Variants in PDILT observed in about 807,000 individuals in gnomAD.
PDILT encodes the protein protein disulfide-isomerase-like protein of the testis.
A neutral mutation model predicts 53.7 loss-of-function variants in PDILT; 43 were observed. The ratio of observed to expected loss-of-function variants is 0.80; its 90% CI spans 0.63 to 1.03. The LOEUF (loss-of-function observed/expected upper bound fraction) is 1.03, where lower values mean the gene tolerates loss of function less well. PDILT is among the 50% of genes least tolerant of loss of function. PDILT has a pLI of 0.00. For missense variants in PDILT, 727 were observed against 712.3 expected, an observed-to-expected ratio of 1.02 and a Z score of -0.24; for synonymous variants, 282 against 274.2, an observed-to-expected ratio of 1.03 and a Z score of -0.28.
intron 2 of PDILT, among the ~76,000 whole-genome samples, chr16:20,385,337 C>T (rs774139530): frequency 8.5e-5 from 13 of 152,266 alleles, no homozygotes; most frequent in South Asian, 4.1e-4. Flanking sequence ...GACTTACTTG[C>T]GCAAAGCCCT....
intron 3 of PDILT, among the ~76,000 whole-genome samples, chr16:20,378,568 C>T (rs1179624822): frequency 1.3e-5 from 2 of 152,102 alleles, no homozygotes; most frequent in African/African-American, 4.8e-5. Flanking sequence ...GGCTTTAAGC[C>T]CCGCGTGCAT....
intron 3 of PDILT, among the ~76,000 whole-genome samples, chr16:20,383,484 T>A (rs1230569335): frequency 2.1e-5 from 1 of 47,578 alleles, no homozygotes; most frequent in Non-Finnish European, 4.1e-5. Flanking sequence ...GCCACCACCC[T>A]CCCACAAGCC....
At chr16:20,365,266 G>T (rs8053146) in intron 9 of PDILT, among the ~76,000 whole-genome samples, 154 bp downstream of exon 9, 86,361 of 151,952 alleles carry the variant, frequency 0.57, 25,322 homozygotes, top group Middle Eastern at 0.62. Context: ...GTTCCTGATA[G>T]CATCTTGAGT....
chr16:20,395,670 G>T (rs1361113039), intron 2 of PDILT, among the ~76,000 whole-genome samples: 1 of 152,136 alleles, frequency 6.6e-6, no homozygotes, highest in African/African-American at 2.4e-5. Context: ...TTAGAGTGGG[G>T]CCTAATAGGA....
rs113453043 is a variant in PDILT, at chr16:20,361,205, T to G, written c.1417-548A>C. Reference sequence around the variant, plus strand: ...TCCCTTTCCTCTTTTTTTTTTTTTTTATATGGAATCTTGCTCTGTCACCAT... The same window carrying G: ...TCCCTTTCCTCTTTTTTTTTTTTTTGATATGGAATCTTGCTCTGTCACCAT... On this transcript the variant is annotated intron_variant, in intron 10 of 11. Transcript: ENST00000302451. Among the ~76,000 whole-genome samples, 1,081 of 134,548 alleles carry G rather than the reference T, an allele frequency of 8.0e-3. 22 individuals are homozygous for G. The highest frequency in any genetic ancestry group is 0.025 in the African/African-American group (886 of 35,320). The allele number at this position is 134,548 out of a possible 152,430, so 88.3% of individuals were successfully genotyped here.
chr16:20,400,056 A>C (rs1966714445), intron 1 of PDILT, among the ~76,000 whole-genome samples: 1 of 83,562 alleles, frequency 1.2e-5, no homozygotes, highest in African/African-American at 5.8e-5. Context: ...CTATCTATCT[A>C]TATATATATA....
chr16:20,404,395 A>T, intron 1 of PDILT, 101 bp downstream of exon 1: 1 of 152,240 alleles, frequency 6.6e-6, no homozygotes, highest in Non-Finnish European at 1.5e-5. Context: ...TCTATACACC[A>T]AAACTGACAC....
intron 2 of PDILT, among the ~76,000 whole-genome samples, chr16:20,397,920 T>A (rs945759877): frequency 2.0e-5 from 3 of 152,040 alleles, no homozygotes; most frequent in Non-Finnish European, 4.4e-5. Context: ...AACACAGGAT[T>A]CCAAATCCAG....
chr16:20,388,165 A>G (rs1966564342), intron 2 of PDILT, among the ~76,000 whole-genome samples: 1 of 152,192 alleles, frequency 6.6e-6, no homozygotes. Flanking sequence ...GATGATGATG[A>G]TGTCACTATC....
chr16:20,362,386 G>T lies in PDILT; in HGVS notation c.1416+18C>A. On this transcript the variant is annotated intron_variant, in intron 10 of 11. Transcript: ENST00000302451. ...CATAACATTGTTTTCAGCCATGTGC[G>T]TCCCAAGAGCCCCTCACTTGTTGAG... 1 of 1,612,254 alleles carries T rather than the reference G, an allele frequency of 6.2e-7. No homozygotes were observed. The highest frequency in any genetic ancestry group is 8.5e-7 in the Non-Finnish European group (1 of 1,178,894).
chr16:20,389,632 A>C (rs1182691933), intron 2 of PDILT, among the ~76,000 whole-genome samples: 1 of 152,162 alleles, frequency 6.6e-6, no homozygotes, highest in Non-Finnish European at 1.5e-5. Context: ...ACTCAGGGCC[A>C]TGTTAGAATA....
intron 2 of PDILT, among the ~76,000 whole-genome samples, chr16:20,391,999 A>G (rs72776686): frequency 6.6e-6 from 1 of 151,970 alleles, no homozygotes; most frequent in Non-Finnish European, 1.5e-5. Flanking sequence ...TGCATTTTAG[A>G]GGAAGTCTCT....
At position 20,365,545 on chromosome 16, in the gene PDILT, G is replaced by A; in HGVS notation, c.1117-5C>T. 1 of 1,614,116 alleles carries A rather than the reference G, an allele frequency of 6.2e-7. No individual in the cohort carries two copies. Among genetic ancestry groups the A allele is most frequent in the Non-Finnish European group, 8.5e-7 (1 of 1,179,996 alleles). On this transcript the variant is annotated splice_region_variant and splice_polypyrimidine_tract_variant and intron_variant, in intron 8 of 11. Transcript: ENST00000302451. ...CTCTTCACTGGATTGATGTTTCTAG[G>A]AAGCACATTTGAGAGGCCTAAGAGT...
intron 8 of PDILT, among the ~76,000 whole-genome samples, chr16:20,365,821 G>T (rs1596579047): frequency 7.4e-6 from 1 of 135,064 alleles, no homozygotes; most frequent in African/African-American, 3.4e-5. Context: ...GGTGGCTCAC[G>T]CCTATAATCA....
intron 2 of PDILT, among the ~76,000 whole-genome samples, chr16:20,393,223 G>T (rs376790637): frequency 1.3e-5 from 2 of 152,206 alleles, no homozygotes; most frequent in Non-Finnish European, 2.9e-5. Context: ...GTGGATGAGG[G>T]ATGTGCAGAA....
chr16:20,372,992 G>C lies in PDILT; in HGVS notation c.792+20C>G. The C allele has an allele frequency of 6.2e-7, 1 of 1,613,602 alleles. No individual in the cohort carries two copies. Among genetic ancestry groups the C allele is most frequent in the South Asian group, 1.1e-5 (1 of 91,038 alleles). On this transcript the variant is annotated intron_variant, in intron 6 of 11. Transcript: ENST00000302451. The stretch of plus-strand genomic sequence containing the variant: ...AGTGGCCCCAGCTCCCCTTCCTCCG[G>C]GGACCATTTACTCACTGACCTCAGT...
Position 20,376,211 on chromosome 16 carries a change from G to A in PDILT, c.410-10C>T. 6.2e-7 allele frequency: 1 copy of A among 1,613,926 alleles called. No individual in the cohort carries two copies. The highest frequency in any genetic ancestry group is 2.2e-5 in the East Asian group (1 of 44,874). On this transcript the variant is annotated splice_polypyrimidine_tract_variant and intron_variant, in intron 3 of 11. Transcript: ENST00000302451. Reference sequence around the variant, plus strand: ...GCAGATTCAACCACTCCTGGAGAAAGACACAGTCAAATAGATACCAGAGAA... The same window carrying A: ...GCAGATTCAACCACTCCTGGAGAAAAACACAGTCAAATAGATACCAGAGAA...
intron 5 of PDILT, among the ~76,000 whole-genome samples, chr16:20,373,953 A>G (rs1256398855): frequency 1.3e-5 from 2 of 151,666 alleles, no homozygotes; most frequent in Non-Finnish European, 2.9e-5. Flanking sequence ...CTTTTTATTT[A>G]TTGTATTTCT....
chr16:20,359,544 T>A lies in PDILT; in HGVS notation c.1530A>T (p.Glu510Asp). The A allele has an allele frequency of 6.2e-7, 1 of 1,613,974 alleles. No individual in the cohort carries two copies. The highest frequency in any genetic ancestry group is 8.5e-7 in the Non-Finnish European group (1 of 1,179,948). The change falls in exon 12 of 12, where the codon GAA becomes GAT. Residue 510 changes from glutamate (E) to aspartate (D), a missense_variant. Physicochemically the swap from Glu to Asp is conservative, Grantham distance 45. Coordinates refer to ENST00000302451, the MANE Select transcript of PDILT (RefSeq NM_174924.2). ...CAGCTAGCACTTCCTCTTCTATCACTTCATTTTGCTCAACAGACAACAGCT... is the reference window on the plus strand; with the variant it reads ...CAGCTAGCACTTCCTCTTCTATCACATCATTTTGCTCAACAGACAACAGCT... ...EDELLSVEQN[E>D]VIEEEVLAEE...
Sources: gnomAD v4.1 joint callset for allele counts (sites outside exome capture counted in the v4.1 genomes callset) on GRCh38, gnomAD v4.1.1 for gene constraint, MANE v1.5 for transcripts, NCBI Gene and HGNC (gene_info 2026-07-23, HGNC 2026-07-21) for gene names.